Variants in DLGAP2 observed in about 807,000 individuals in gnomAD.
DLGAP2 encodes disks large-associated protein 2.
A neutral mutation model predicts 100.3 loss-of-function variants in DLGAP2; 26 were observed. That is an observed-to-expected ratio of 0.26 (90% CI 0.19 to 0.36). The LOEUF (loss-of-function observed/expected upper bound fraction) is 0.36. DLGAP2 is among the 10% of genes least tolerant of loss of function. The pLI is 1.00. For missense variants in DLGAP2, 1,858 were observed against 1,453.2 expected, an observed-to-expected ratio of 1.28 and a Z score of -4.53; for synonymous variants, 886 against 630.1, an observed-to-expected ratio of 1.41 and a Z score of -6.08.
intron 2 of DLGAP2, among the ~76,000 whole-genome samples, chr8:1,074,892 G>C (rs542495331): frequency 1.9e-4 from 29 of 152,282 alleles, no homozygotes; most frequent in African/African-American, 6.7e-4. Context: ...TCCTGCATGG[G>C]GTCAACCCAG....
At chr8:1,455,132 A>G (rs1373452123) in intron 3 of DLGAP2, among the ~76,000 whole-genome samples, 1 of 152,178 alleles carries the variant, frequency 6.6e-6, no homozygotes. Flanking sequence ...GCTCATGGCA[A>G]CCCTGTGAGC....
intron 1 of DLGAP2, among the ~76,000 whole-genome samples, chr8:819,776 G>A (rs1333403146): frequency 6.6e-6 from 1 of 152,170 alleles, no homozygotes; most frequent in Non-Finnish European, 1.5e-5. Context: ...TGGGAGGTAC[G>A]TAAAACATCA....
chr8:1,328,705 C>A (rs940896748), intron 3 of DLGAP2, among the ~76,000 whole-genome samples: 4 of 152,136 alleles, frequency 2.6e-5, no homozygotes, highest in African/African-American at 9.7e-5. Flanking sequence ...TTTTTAAAAA[C>A]TCGTAGTAAA....
At chr8:934,842 C>T (rs761708919) in intron 2 of DLGAP2, among the ~76,000 whole-genome samples, 4 of 152,152 alleles carry the variant, frequency 2.6e-5, no homozygotes, top group East Asian at 1.9e-4. Context: ...CAGGTGTTCT[C>T]GGCTATAAGA....
chr8:1,319,044 G>T (rs899942337), intron 3 of DLGAP2, among the ~76,000 whole-genome samples: 5 of 148,292 alleles, frequency 3.4e-5, no homozygotes, highest in African/African-American at 1.2e-4. Flanking sequence ...GCGAACAATG[G>T]GCTCCCTGTT....
At chr8:1,319,872 C>T (rs1473452391) in intron 3 of DLGAP2, among the ~76,000 whole-genome samples, 3 of 152,144 alleles carry the variant, frequency 2.0e-5, no homozygotes, top group African/African-American at 7.2e-5. Context: ...CATGGAAAAC[C>T]ACAGGAGACA....
intron 1 of DLGAP2, among the ~76,000 whole-genome samples, chr8:830,340 C>T (rs1421847717): frequency 6.6e-6 from 1 of 152,082 alleles, no homozygotes; most frequent in Non-Finnish European, 1.5e-5. Flanking sequence ...TAAAAATGTA[C>T]AATTACATTA....
At chr8:1,429,769 G>T (rs961359296) in intron 3 of DLGAP2, among the ~76,000 whole-genome samples, 5 of 151,040 alleles carry the variant, frequency 3.3e-5, no homozygotes, top group Non-Finnish European at 7.4e-5. Flanking sequence ...ACACATAGAG[G>T]ATATTCAGTG....
intron 2 of DLGAP2, among the ~76,000 whole-genome samples, chr8:1,193,443 A>G (rs1258776812): frequency 6.6e-6 from 1 of 151,960 alleles, no homozygotes; most frequent in Non-Finnish European, 1.5e-5. Context: ...GCATTTTTTC[A>G]TGTGTCTTTT....
rs1336670781 is a variant in DLGAP2, at chr8:1,706,962, G to C, written c.*5556G>C. On this transcript the variant is annotated 3_prime_UTR_variant, in exon 15 of 15. Transcript: ENST00000637795. ...AAAAATGTCCACAATTTTATGAATT[G>C]CTGTCCTAACCCTGGCGTTTTTATC... 1 of 152,588 alleles carries C rather than the reference G, an allele frequency of 6.6e-6. No homozygotes were observed. Among genetic ancestry groups the C allele is most frequent in the South Asian group, 2.1e-4 (1 of 4,826 alleles). The allele number at this position is 152,588 out of a possible 1,614,324, so 9.5% of individuals were successfully genotyped here.
At chr8:1,587,519 G>C (rs1176282231) in intron 6 of DLGAP2, among the ~76,000 whole-genome samples, 1 of 152,050 alleles carries the variant, frequency 6.6e-6, no homozygotes, top group Non-Finnish European at 1.5e-5. Flanking sequence ...AAGTATATAA[G>C]GCTATGAATG....
At chr8:1,610,561 A>G (rs1796961507) in intron 6 of DLGAP2, among the ~76,000 whole-genome samples, 1 of 138,930 alleles carries the variant, frequency 7.2e-6, no homozygotes, top group Non-Finnish European at 1.5e-5. Context: ...AAGGAAATAG[A>G]GACACAAAAA....
chr8:1,030,418 G>A (rs1275513918), intron 2 of DLGAP2, among the ~76,000 whole-genome samples: 1 of 152,194 alleles, frequency 6.6e-6, no homozygotes, highest in Non-Finnish European at 1.5e-5. Context: ...AAGGCCAGCT[G>A]CAGGATACAG....
chr8:1,408,639 T>C (rs1385778644), intron 3 of DLGAP2, among the ~76,000 whole-genome samples: 3 of 152,216 alleles, frequency 2.0e-5, no homozygotes, highest in Admixed American at 6.5e-5. Context: ...GATTCACGCA[T>C]AACTTTGAAA....
chr8:847,216 G>GT (rs1235959611), intron 1 of DLGAP2, among the ~76,000 whole-genome samples: 1 of 152,068 alleles, frequency 6.6e-6, no homozygotes, highest in Admixed American at 6.5e-5. Context: ...GGAAAATGTT[G>GT]TTTTTTCTGA....
intron 2 of DLGAP2, among the ~76,000 whole-genome samples, chr8:1,147,207 T>C (rs934520028): frequency 4.6e-5 from 7 of 152,196 alleles, no homozygotes; most frequent in Non-Finnish European, 1.5e-5. Flanking sequence ...TTCCTTAGAT[T>C]TATCATAGGT....
chr8:1,489,088 T>C (rs1038908443), intron 3 of DLGAP2, among the ~76,000 whole-genome samples: 1 of 152,246 alleles, frequency 6.6e-6, no homozygotes, highest in Non-Finnish European at 1.5e-5. Flanking sequence ...GTTCAGATTC[T>C]TCCTCCAGAG....
At chr8:888,057 G>A (rs1392237389) in intron 1 of DLGAP2, among the ~76,000 whole-genome samples, 3 of 152,054 alleles carry the variant, frequency 2.0e-5, no homozygotes, top group Non-Finnish European at 4.4e-5. Flanking sequence ...CACATTTCTT[G>A]GAGGCTTTGT....
At chr8:1,207,983 T>C (rs966128763) in intron 2 of DLGAP2, among the ~76,000 whole-genome samples, 2 of 152,236 alleles carry the variant, frequency 1.3e-5, no homozygotes, top group Non-Finnish European at 2.9e-5. Context: ...GTCACATGCA[T>C]AGTTTTTGAA....
Sources: allele counts gnomAD v4.1 joint callset (sites outside exome capture counted in the v4.1 genomes callset), GRCh38; gene constraint gnomAD v4.1.1; transcripts MANE v1.5; gene names NCBI Gene and HGNC (gene_info 2026-07-23, HGNC 2026-07-21).